The following MECOM variants were observed in gnomAD, a reference collection of about 807,000 sequenced individuals.
MECOM encodes MDS1 and EVI1 complex locus.
Under a neutral mutation model 116.3 loss-of-function variants are expected in MECOM, and 13 were observed. That is an observed-to-expected ratio of 0.11 (90% CI 0.07 to 0.18). The LOEUF is 0.18. Among genes scored for constraint, MECOM ranks in the 10% least tolerant of loss-of-function variants. The pLI, the probability that MECOM is intolerant of heterozygous loss-of-function variation, is 1.00. For synonymous variants in MECOM, 528 were observed against 535.2 expected (o/e 0.99, Z 0.19); for missense variants, 1,299 against 1,509.0 (o/e 0.86, Z 2.31).
rs368836819 is a variant in MECOM, at chr3:169,433,197, G to A, written c.38-51673C>T. 2.3e-3 allele frequency among the ~76,000 whole-genome samples: 352 copies of A among 152,248 alleles called. 9 individuals are homozygous for A. In the South Asian group the frequency reaches 0.071, roughly 31 times the overall value. On this transcript the variant is annotated intron_variant, in intron 1 of 16. Transcript: ENST00000651503. ...AAATTTCTTTGACTAGGCCGGGCAT[G>A]GTGACTCACACCTGTAATCACAGCA... is the stretch of plus-strand genomic sequence containing the variant.
intron 2 of MECOM, among the ~76,000 whole-genome samples, chr3:169,209,924 T>C (rs139309406): frequency 1.3e-5 from 2 of 152,276 alleles, no homozygotes; most frequent in East Asian, 1.9e-4. Context: ...TGCAGCACTA[T>C]TTACAATAGC....
At chr3:169,314,170 C>T (rs545951576) in intron 2 of MECOM, among the ~76,000 whole-genome samples, 3 of 152,222 alleles carry the variant, frequency 2.0e-5, no homozygotes, top group Non-Finnish European at 4.4e-5. Flanking sequence ...TCAGCCATTT[C>T]TCTTCTTTGG....
intron 1 of MECOM, among the ~76,000 whole-genome samples, chr3:169,408,688 A>T (rs1267084861): frequency 6.6e-6 from 1 of 152,224 alleles, no homozygotes; most frequent in East Asian, 1.9e-4. Context: ...CTACAGAAAT[A>T]GTAAAAAGAG....
At chr3:169,486,366 A>G (rs1158245820) in intron 1 of MECOM, among the ~76,000 whole-genome samples, 1 of 151,982 alleles carries the variant, frequency 6.6e-6, no homozygotes, top group Admixed American at 6.6e-5. Context: ...AAAATTTTCA[A>G]CTTAAGCATC....
chr3:169,226,653 A>G (rs1400831102), intron 2 of MECOM, among the ~76,000 whole-genome samples: 1 of 152,200 alleles, frequency 6.6e-6, no homozygotes, highest in East Asian at 1.9e-4. Context: ...CCCTTTAGAC[A>G]TCTATATAAA....
intron 1 of MECOM, among the ~76,000 whole-genome samples, chr3:169,580,103 T>C (rs1764947087): frequency 1.3e-5 from 2 of 152,208 alleles, no homozygotes; most frequent in Non-Finnish European, 2.9e-5. Context: ...CTATCCTTAG[T>C]GTGGGAGGCT....
intron 2 of MECOM, among the ~76,000 whole-genome samples, chr3:169,327,466 C>T (rs1324580596): frequency 2.0e-5 from 3 of 151,736 alleles, no homozygotes; most frequent in Non-Finnish European, 4.4e-5. Flanking sequence ...AGAGAAACCC[C>T]GTCTGTACTA....
Position 169,083,628 on chromosome 3 carries a change from T to C in MECOM, c.*1281A>G, listed in dbSNP as rs1440805962. On this transcript the variant is annotated 3_prime_UTR_variant, in exon 17 of 17. Transcript: ENST00000651503. Reference sequence around the variant, plus strand: ...CCTCAACTTGCTGATTATTTCAAAATGAGATTACAAACAAAAAGAAAACAA... The same window carrying C: ...CCTCAACTTGCTGATTATTTCAAAACGAGATTACAAACAAAAAGAAAACAA... 5.1e-6 allele frequency: 1 copy of C among 197,182 alleles called. No individual in the cohort carries two copies. The highest frequency in any genetic ancestry group is 1.1e-5 in the Non-Finnish European group (1 of 94,776). 12.2% of individuals were successfully genotyped at this position (197,182 alleles called of 1,614,324 possible).
intron 2 of MECOM, among the ~76,000 whole-genome samples, chr3:169,261,707 G>T (rs528357378): frequency 2.0e-5 from 3 of 148,580 alleles, no homozygotes; most frequent in Non-Finnish European, 4.4e-5. Flanking sequence ...ATCTCAAGAA[G>T]AAGAAGAAGG....
intron 2 of MECOM, among the ~76,000 whole-genome samples, chr3:169,375,155 T>C (rs565695102): frequency 6.6e-5 from 10 of 151,788 alleles, no homozygotes; most frequent in African/African-American, 2.4e-4. Flanking sequence ...GAAAGAACAG[T>C]GTGTATACAG....
intron 8 of MECOM, among the ~76,000 whole-genome samples, chr3:169,114,167 A>G (rs1053168612): frequency 6.6e-6 from 1 of 152,174 alleles, no homozygotes; most frequent in Non-Finnish European, 1.5e-5. Flanking sequence ...GTGACATACA[A>G]TCTACACACA....
intron 1 of MECOM, among the ~76,000 whole-genome samples, chr3:169,538,933 T>C (rs544367788): frequency 7.3e-4 from 111 of 152,204 alleles, no homozygotes; most frequent in Non-Finnish European, 1.4e-3. Context: ...GAAAGTCCTA[T>C]ATATGTACTT....
intron 2 of MECOM, among the ~76,000 whole-genome samples, chr3:169,373,768 G>C (rs1447554471): frequency 6.6e-6 from 1 of 151,914 alleles, no homozygotes; most frequent in African/African-American, 2.4e-5. Flanking sequence ...ACAGAAGCAA[G>C]ACTGGATTAT....
intron 1 of MECOM, among the ~76,000 whole-genome samples, chr3:169,589,678 A>G (rs572571297): frequency 1.4e-4 from 22 of 152,276 alleles, no homozygotes; most frequent in Middle Eastern, 6.8e-3. Context: ...CAGCTAGTCC[A>G]TACAGCAAGC....
intron 2 of MECOM, among the ~76,000 whole-genome samples, chr3:169,161,800 T>C (rs1200236420): frequency 2.0e-5 from 3 of 151,934 alleles, no homozygotes; most frequent in Admixed American, 2.0e-4. Context: ...TCTCTCTCTC[T>C]CCCTGTCATT....
intron 2 of MECOM, among the ~76,000 whole-genome samples, chr3:169,193,540 C>T (rs987178262): frequency 3.0e-4 from 46 of 151,440 alleles, no homozygotes; most frequent in African/African-American, 9.0e-4. Flanking sequence ...AGCCTAAAGA[C>T]GTTTTAGAAC....
At chr3:169,186,378 AAGGGAGGGAGGGAGGGAGGGAGGGAGGG>A (rs1180332102) in intron 2 of MECOM, among the ~76,000 whole-genome samples, 2 of 39,730 alleles carry the variant, frequency 5.0e-5, no homozygotes, top group African/African-American at 1.9e-4. Context: ...GGAAGGAAGG[AAGGGAGGGAGGGAGGGAGGGAGGGAGGG>A]AGGGAGGGAG....
At chr3:169,269,474 G>A (rs981234035) in intron 2 of MECOM, among the ~76,000 whole-genome samples, 7 of 152,092 alleles carry the variant, frequency 4.6e-5, no homozygotes, top group East Asian at 1.9e-4. Context: ...TAATTAGAAG[G>A]CACTGAGTTT....
At chr3:169,604,001 C>A (rs1198236036) in intron 1 of MECOM, among the ~76,000 whole-genome samples, 4 of 152,086 alleles carry the variant, frequency 2.6e-5, no homozygotes, top group African/African-American at 9.7e-5. Flanking sequence ...GCCCTGGATT[C>A]TTTAGGGACA....
Sources: allele counts gnomAD v4.1 joint callset (sites outside exome capture counted in the v4.1 genomes callset), GRCh38; gene constraint gnomAD v4.1.1; transcripts MANE v1.5; gene names NCBI Gene and HGNC (gene_info 2026-07-23, HGNC 2026-07-21).